The following OGDH variants were observed in gnomAD, a reference collection of about 807,000 sequenced individuals.
The protein encoded by OGDH is oxoglutarate dehydrogenase.
Under a neutral mutation model 116.6 loss-of-function variants are expected in OGDH, and 38 were observed. That is an observed-to-expected ratio of 0.33 (90% CI 0.25 to 0.43). OGDH has a LOEUF of 0.43. Ranked by LOEUF, OGDH falls within the 20% of genes least tolerant of loss-of-function variation. The pLI, the probability that OGDH is intolerant of heterozygous loss-of-function variation, is 1.00. For synonymous variants in OGDH, 488 were observed against 533.3 expected (o/e 0.92, Z 1.17); for missense variants, 825 against 1,357.2 (o/e 0.61, Z 6.16).
rs114338582 is a variant in OGDH at position 44,616,477 on chromosome 7, A to T, written c.-27-7840A>T. ...GCTAAATAGGCTTCTGTGCTAAATG[A>T]TGGAGACAGCCTACTAATGTTTTGG... On this transcript the variant is annotated intron_variant, in intron 1 of 22. Coordinates refer to ENST00000222673, the MANE Select transcript of OGDH (RefSeq NM_002541.4). 3.7e-3 allele frequency among the ~76,000 whole-genome samples: 567 copies of T among 152,190 alleles called. 6 individuals carry two copies. The highest frequency in any genetic ancestry group is 0.012 in the African/African-American group (514 of 41,532).
At chr7:44,655,468 A>G (rs1487824532) in intron 4 of OGDH, among the ~76,000 whole-genome samples, 1 of 152,068 alleles carries the variant, frequency 6.6e-6, no homozygotes, top group Admixed American at 6.6e-5. Context: ...TCTGACTTCA[A>G]AGGAAGCACT....
chr7:44,637,194 G>A (rs1305511268), intron 2 of OGDH, among the ~76,000 whole-genome samples: 1 of 152,188 alleles, frequency 6.6e-6, no homozygotes, highest in African/African-American at 2.4e-5. Context: ...CTGGCCAGGT[G>A]CTCCTGTTGT....
At chr7:44,621,524 G>A (rs1456466357) in intron 1 of OGDH, among the ~76,000 whole-genome samples, 1 of 152,132 alleles carries the variant, frequency 6.6e-6, no homozygotes, top group South Asian at 2.1e-4. Flanking sequence ...GTGGAGTTGG[G>A]GATGTTGAGC....
At chr7:44,631,958 T>C (rs1785460248) in intron 2 of OGDH, among the ~76,000 whole-genome samples, 1 of 152,218 alleles carries the variant, frequency 6.6e-6, no homozygotes, top group Non-Finnish European at 1.5e-5. Flanking sequence ...TATGCTGTGC[T>C]GTGAAGGAGC....
At chr7:44,647,798 C>T in intron 4 of OGDH, 39 bp downstream of exon 4, 2 of 1,517,626 alleles carry the variant, frequency 1.3e-6, no homozygotes, top group South Asian at 2.2e-5. Flanking sequence ...TGCTTGAGCT[C>T]CTCTCGCTGT....
intron 2 of OGDH, among the ~76,000 whole-genome samples, chr7:44,625,656 C>T (rs1785174299): frequency 1.3e-5 from 2 of 152,144 alleles, no homozygotes; most frequent in African/African-American, 4.8e-5. Flanking sequence ...GCACTCAGCT[C>T]GGAGGCAGTG....
intron 5 of OGDH, among the ~76,000 whole-genome samples, chr7:44,672,804 G>A (rs1787526435): frequency 6.6e-6 from 1 of 151,930 alleles, no homozygotes; most frequent in African/African-American, 2.4e-5. Context: ...CACCATACCT[G>A]GCTAATTTTT....
intron 1 of OGDH, among the ~76,000 whole-genome samples, chr7:44,623,966 G>A (rs181357846): frequency 2.6e-5 from 4 of 152,182 alleles, no homozygotes; most frequent in Admixed American, 2.6e-4. Context: ...TTTAAGTGAA[G>A]ATGGTAATAT....
chr7:44,669,703 T>C (rs1000130570), intron 5 of OGDH, among the ~76,000 whole-genome samples: 19 of 151,906 alleles, frequency 1.3e-4, no homozygotes, highest in African/African-American at 3.9e-4. Context: ...GTCCAGTTGA[T>C]GCCAGAGCCT....
intron 1 of OGDH, among the ~76,000 whole-genome samples, chr7:44,620,969 T>G (rs1409937656): frequency 1.3e-5 from 2 of 152,256 alleles, no homozygotes; most frequent in Non-Finnish European, 2.9e-5. Flanking sequence ...TAACGTACTA[T>G]TCTTAAAGTT....
chr7:44,699,512 T>C (rs1788738148), intron 18 of OGDH, among the ~76,000 whole-genome samples: 1 of 151,820 alleles, frequency 6.6e-6, no homozygotes, highest in Non-Finnish European at 1.5e-5. Flanking sequence ...AACTTGTGTC[T>C]CTTAAAGTGG....
At chr7:44,671,318 G>A (rs1446276625) in intron 5 of OGDH, among the ~76,000 whole-genome samples, 4 of 151,998 alleles carry the variant, frequency 2.6e-5, no homozygotes. Context: ...AGAACTAATA[G>A]AGCAAGAACC....
At chr7:44,689,436 G>C (rs1255269567) in intron 10 of OGDH, among the ~76,000 whole-genome samples, 1 of 61,396 alleles carries the variant, frequency 1.6e-5, no homozygotes, top group African/African-American at 6.6e-5. Flanking sequence ...ACAGGGTTTT[G>C]CCATGTTGCC....
chr7:44,675,895 TC>T (rs1346374880), intron 8 of OGDH, 74 bp from the exon 9 acceptor site: 1 of 1,465,526 alleles, frequency 6.8e-7, no homozygotes, highest in Admixed American at 2.1e-5. Context: ...AAAAAAAAAT[TC>T]CCGTATAAAA....
At chr7:44,636,112 C>T (rs1164756390) in intron 2 of OGDH, among the ~76,000 whole-genome samples, 3 of 152,228 alleles carry the variant, frequency 2.0e-5, no homozygotes, top group Non-Finnish European at 4.4e-5. Context: ...AGCAACTTCC[C>T]GAATCCTCAT....
At chr7:44,642,030 A>G (rs952013944) in intron 2 of OGDH, among the ~76,000 whole-genome samples, 4 of 152,220 alleles carry the variant, frequency 2.6e-5, no homozygotes, top group Non-Finnish European at 5.9e-5. Flanking sequence ...CTGAGTTTTC[A>G]TGAGAACCGA....
intron 1 of OGDH, among the ~76,000 whole-genome samples, chr7:44,611,867 CT>C (rs35002927): frequency 6.6e-6 from 1 of 150,410 alleles, no homozygotes; most frequent in Non-Finnish European, 1.5e-5. Context: ...TTGTGGCCAG[CT>C]TTTTTTGAGT....
intron 2 of OGDH, among the ~76,000 whole-genome samples, chr7:44,642,798 T>A (rs1020852683): frequency 2.6e-5 from 4 of 151,930 alleles, no homozygotes; most frequent in African/African-American, 9.7e-5. Flanking sequence ...GGCAGGCGCC[T>A]GTAATCCCAG....
intron 4 of OGDH, among the ~76,000 whole-genome samples, chr7:44,650,911 C>T (rs950054874): frequency 6.6e-5 from 10 of 152,204 alleles, no homozygotes; most frequent in Admixed American, 1.3e-4. Context: ...GCCATGCCTC[C>T]GCTTAGCCGC....
Sources: allele counts gnomAD v4.1 joint callset (sites outside exome capture counted in the v4.1 genomes callset), GRCh38; gene constraint gnomAD v4.1.1; transcripts MANE v1.5; gene names NCBI Gene and HGNC (gene_info 2026-07-23, HGNC 2026-07-21).